IMMP2L: variants seen among roughly 807,000 people sequenced by gnomAD.
IMMP2L encodes the protein mitochondrial inner membrane protease subunit 2.
In IMMP2L, 18 loss-of-function variants were observed where a neutral mutation model predicts 19.3. The ratio of observed to expected loss-of-function variants is 0.93; its 90% confidence interval spans 0.64 to 1.38. IMMP2L has a LOEUF of 1.38. Among genes scored for constraint, IMMP2L ranks in the 40% most tolerant of loss-of-function variants. The pLI is 0.00. For missense variants in IMMP2L, 233 were observed against 218.2 expected (o/e 1.07, Z -0.43); for synonymous variants, 76 against 73.0 (o/e 1.04, Z -0.21).
intron 5 of IMMP2L, among the ~76,000 whole-genome samples, chr7:110,856,958 T>C (rs1026845645): frequency 6.6e-6 from 1 of 152,084 alleles, no homozygotes; most frequent in Non-Finnish European, 1.5e-5. Context: ...AGACATTCTC[T>C]GACATTCATC....
At chr7:110,862,491 C>T (rs115194058) in intron 5 of IMMP2L, among the ~76,000 whole-genome samples, 1,513 of 151,190 alleles carry the variant, frequency 0.01, 37 homozygotes, top group African/African-American at 0.035. Flanking sequence ...GATATGTGCT[C>T]CCAGGCCCGG....
intron 3 of IMMP2L, among the ~76,000 whole-genome samples, chr7:111,066,286 G>A (rs1794491467): frequency 6.6e-6 from 1 of 152,014 alleles, no homozygotes; most frequent in African/African-American, 2.4e-5. Flanking sequence ...TGGCTGCTAG[G>A]CTATAAATTC....
chr7:111,149,786 A>G (rs1236480125), intron 3 of IMMP2L, among the ~76,000 whole-genome samples: 1 of 152,196 alleles, frequency 6.6e-6, no homozygotes, highest in Admixed American at 6.5e-5. Context: ...ATAAAATAAA[A>G]TGTTAAATAG....
chr7:111,361,168 C>A (rs1829225167), intron 3 of IMMP2L, among the ~76,000 whole-genome samples: 1 of 151,966 alleles, frequency 6.6e-6, no homozygotes, highest in African/African-American at 2.4e-5. Flanking sequence ...TCTATATGTA[C>A]AAAATGCTAG....
intron 3 of IMMP2L, among the ~76,000 whole-genome samples, chr7:111,360,229 C>T (rs1434282654): frequency 6.6e-6 from 1 of 152,068 alleles, no homozygotes; most frequent in Admixed American, 6.6e-5. Context: ...AATACATATG[C>T]AAAAACTAGA....
chr7:111,065,098 G>A (rs1794370688), intron 3 of IMMP2L, among the ~76,000 whole-genome samples: 1 of 152,168 alleles, frequency 6.6e-6, no homozygotes, highest in Non-Finnish European at 1.5e-5. Context: ...ACAACCTCAT[G>A]ACCAGTTGCA....
chr7:110,996,533 T>C (rs913501712), intron 3 of IMMP2L, among the ~76,000 whole-genome samples: 1 of 152,078 alleles, frequency 6.6e-6, no homozygotes, highest in Non-Finnish European at 1.5e-5. Flanking sequence ...AGAAATAACA[T>C]CTGGGCTGGG....
chr7:111,047,683 C>T (rs372774281), intron 3 of IMMP2L, among the ~76,000 whole-genome samples: 1 of 152,046 alleles, frequency 6.6e-6, no homozygotes, highest in Admixed American at 6.5e-5. Flanking sequence ...ATTCCAGGGG[C>T]TAATATTGAG....
At chr7:111,063,075 G>A (rs1156349277) in intron 3 of IMMP2L, among the ~76,000 whole-genome samples, 2 of 152,218 alleles carry the variant, frequency 1.3e-5, no homozygotes, top group African/African-American at 4.8e-5. Flanking sequence ...CTTCTGCACT[G>A]CCCTAGCAGG....
intron 4 of IMMP2L, among the ~76,000 whole-genome samples, chr7:110,898,467 T>A (rs1470409873): frequency 6.6e-6 from 1 of 152,184 alleles, no homozygotes; most frequent in Non-Finnish European, 1.5e-5. Flanking sequence ...AAATGCTGGT[T>A]CTAACAGGAT....
chr7:110,738,441 C>T (rs933231398), intron 5 of IMMP2L, among the ~76,000 whole-genome samples: 3 of 152,098 alleles, frequency 2.0e-5, no homozygotes, highest in Admixed American at 2.0e-4. Flanking sequence ...GCAATAGTCT[C>T]ATCCATCAAA....
intron 3 of IMMP2L, among the ~76,000 whole-genome samples, chr7:111,326,028 T>C (rs1380547174): frequency 1.3e-5 from 2 of 151,810 alleles, no homozygotes; most frequent in Non-Finnish European, 2.9e-5. Flanking sequence ...TAAAACATGC[T>C]GTGTTTAAAT....
intron 1 of IMMP2L, among the ~76,000 whole-genome samples, chr7:111,541,240 T>C (rs1848483282): frequency 6.6e-6 from 1 of 152,172 alleles, no homozygotes; most frequent in South Asian, 2.1e-4. Context: ...TACACCCATG[T>C]TCAAAGGCCA....
rs1470685271 is a variant in IMMP2L at position 110,918,518 on chromosome 7, C to T, written c.306-31823G>A. 2.7e-5 allele frequency among the ~76,000 whole-genome samples: 4 copies of T among 147,960 alleles called. No individual in the cohort carries two copies. The Admixed American group carries it at 2.7e-4, about 10-fold the overall frequency. The stretch of plus-strand genomic sequence containing the variant: ...TTGCCCAGGGTGGAGTGCAATGGCG[C>T]GATCTCGGCTCACTGCAACCTCTGC... On this transcript the variant is annotated intron_variant, in intron 4 of 5. Transcript: ENST00000405709.
At chr7:111,206,580 A>G (rs969273117) in intron 3 of IMMP2L, among the ~76,000 whole-genome samples, 2 of 152,190 alleles carry the variant, frequency 1.3e-5, no homozygotes, top group Non-Finnish European at 2.9e-5. Context: ...CATACAATAT[A>G]CAATGTATCA....
At chr7:110,679,323 A>C (rs980384154) in intron 5 of IMMP2L, among the ~76,000 whole-genome samples, 3 of 152,114 alleles carry the variant, frequency 2.0e-5, no homozygotes, top group Admixed American at 1.3e-4. Flanking sequence ...AAATACTTGA[A>C]TATAATTTGG....
At chr7:110,926,469 C>A (rs1814864093) in intron 4 of IMMP2L, among the ~76,000 whole-genome samples, 1 of 152,062 alleles carries the variant, frequency 6.6e-6, no homozygotes, top group Non-Finnish European at 1.5e-5. Context: ...CTTATATGGC[C>A]ATGCAATTTA....
chr7:111,343,232 C>T (rs150919416), intron 3 of IMMP2L, among the ~76,000 whole-genome samples: 4 of 152,118 alleles, frequency 2.6e-5, no homozygotes, highest in African/African-American at 7.2e-5. Flanking sequence ...TCATAAATGG[C>T]CCCCTGTCTA....
intron 3 of IMMP2L, among the ~76,000 whole-genome samples, chr7:111,133,441 T>C (rs550402303): frequency 1.3e-5 from 2 of 152,074 alleles, no homozygotes; most frequent in East Asian, 1.9e-4. Context: ...AGGGATGGCA[T>C]GAAGATACTA....
Sources: allele counts gnomAD v4.1 joint callset (sites outside exome capture counted in the v4.1 genomes callset), GRCh38; gene constraint gnomAD v4.1.1; transcripts MANE v1.5; gene names NCBI Gene and HGNC (gene_info 2026-07-23, HGNC 2026-07-21).